The following CENPP variants were observed in gnomAD, a reference collection of about 807,000 sequenced individuals.
CENPP encodes the protein centromere protein P.
CENPP carries 24 observed loss-of-function variants against 35.6 expected under a neutral mutation model. The ratio of observed to expected loss-of-function variants is 0.67; its 90% CI spans 0.49 to 0.95. CENPP has a LOEUF of 0.95. Among genes scored for constraint, CENPP ranks in the 40% least tolerant of loss-of-function variants. The probability of loss-of-function intolerance (pLI) is 0.00; values close to 1 mark genes in which losing one functional copy is unlikely to be tolerated. For synonymous variants in CENPP, 120 were observed against 125.5 expected (o/e 0.96, Z 0.29); for missense variants, 332 against 345.3 (o/e 0.96, Z 0.31).
At chr9:92,532,723 T>A (rs538272272) in intron 5 of CENPP, among the ~76,000 whole-genome samples, 1 of 152,334 alleles carries the variant, frequency 6.6e-6, no homozygotes, top group East Asian at 1.9e-4. Context: ...AATTTTAATC[T>A]CATCTTTTAT....
At chr9:92,499,920 T>C (rs995978789) in intron 5 of CENPP, among the ~76,000 whole-genome samples, 2 of 152,050 alleles carry the variant, frequency 1.3e-5, no homozygotes, top group African/African-American at 4.8e-5. Context: ...TAGGCAGGAG[T>C]GATGATTCAG....
chr9:92,396,781 C>A (rs1253067863), intron 5 of CENPP, among the ~76,000 whole-genome samples: 1 of 152,078 alleles, frequency 6.6e-6, no homozygotes. Context: ...GTTGCCCAAG[C>A]TGGTCTCAAA....
rs1015435139 is a variant in CENPP, at chr9:92,476,130, T to C, written c.564+96271T>C. On this transcript the variant is annotated intron_variant, in intron 5 of 7. Coordinates refer to ENST00000375587, the MANE Select transcript of CENPP (RefSeq NM_001012267.3). This position sits in a 1 kb window ranked among gnomAD's most constrained non-coding sequence, Gnocchi z 4.1. Reference sequence around the variant, plus strand: ...CAGCAGAGGGCTCCGCAGACCCTAATAGTCCACCAGGCTACAGTCACCTAA... The same window carrying C: ...CAGCAGAGGGCTCCGCAGACCCTAACAGTCCACCAGGCTACAGTCACCTAA... 3.3e-5 allele frequency among the ~76,000 whole-genome samples: 5 copies of C among 152,264 alleles called. No homozygotes were observed. Among genetic ancestry groups the C allele is most frequent in the Non-Finnish European group, 5.9e-5 (4 of 68,000 alleles).
At chr9:92,514,840 CCCTCCTCACCCT>C (rs761689497) in intron 5 of CENPP, 17 of 1,611,390 alleles carry the variant, frequency 1.1e-5, no homozygotes, top group African/African-American at 2.7e-5. Flanking sequence ...ATCCTCCTCA[CCCTCCTCACCCT>C]CCTCCTCCTC....
intron 5 of CENPP, among the ~76,000 whole-genome samples, chr9:92,380,703 T>A (rs1408904286): frequency 6.6e-6 from 1 of 152,210 alleles, no homozygotes; most frequent in Non-Finnish European, 1.5e-5. Context: ...TTATATTCGA[T>A]CATAGGTAGT....
chr9:92,325,607 T>TG, upstream of CENPP: 1 of 194,128 alleles, frequency 5.2e-6, no homozygotes, highest in Non-Finnish European at 1.1e-5. Flanking sequence ...AGGAAGTAGG[T>TG]GAAAAAAATA....
At chr9:92,392,647 C>A (rs986896123) in intron 5 of CENPP, among the ~76,000 whole-genome samples, 1 of 151,856 alleles carries the variant, frequency 6.6e-6, no homozygotes, top group African/African-American at 2.4e-5. Flanking sequence ...AAAAAAAACA[C>A]TTCCCAAGAT....
chr9:92,379,240 TTCA>T (rs773634029), intron 4 of CENPP, among the ~76,000 whole-genome samples: 12 of 152,220 alleles, frequency 7.9e-5, no homozygotes, highest in Non-Finnish European at 1.6e-4. Context: ...CATCAGTGTA[TTCA>T]TCAACCAGGA....
At chr9:92,533,328 A>AAAAAATATATATAT (rs1554683138) in intron 5 of CENPP, among the ~76,000 whole-genome samples, 7 of 38,332 alleles carry the variant, frequency 1.8e-4, no homozygotes, top group East Asian at 1.5e-3. Flanking sequence ...AAAAAAAAAA[A>AAAAAATATATATAT]ATATATATAT....
intron 5 of CENPP, among the ~76,000 whole-genome samples, chr9:92,572,869 C>T (rs1431869576): frequency 1.3e-5 from 2 of 152,120 alleles, no homozygotes; most frequent in African/African-American, 4.8e-5. Context: ...CCCTTTCTTC[C>T]ACTTGATCAA....
At chr9:92,477,373 G>T (rs1267929959) in intron 5 of CENPP, among the ~76,000 whole-genome samples, 1 of 152,124 alleles carries the variant, frequency 6.6e-6, no homozygotes, top group East Asian at 1.9e-4. Flanking sequence ...AAGGTTTAGT[G>T]CCCAGCTTTG....
chr9:92,368,507 A>G (rs1306759593), intron 4 of CENPP, among the ~76,000 whole-genome samples: 2 of 152,216 alleles, frequency 1.3e-5, no homozygotes, highest in South Asian at 2.1e-4. Context: ...AATCACCTTC[A>G]TAAAAATATA....
At chr9:92,385,580 G>C (rs559592252) in intron 5 of CENPP, 27 of 1,552,340 alleles carry the variant, frequency 1.7e-5, no homozygotes, top group Non-Finnish European at 2.4e-5. Flanking sequence ...CAGACTATTA[G>C]TGTAGGTGTA....
chr9:92,588,402 C>G (rs1850591171), intron 5 of CENPP, among the ~76,000 whole-genome samples: 1 of 151,360 alleles, frequency 6.6e-6, no homozygotes. Flanking sequence ...CGCCCGGCAC[C>G]ACACCCGGCT....
intron 5 of CENPP, among the ~76,000 whole-genome samples, chr9:92,492,287 A>G (rs72754421): frequency 0.031 from 4,734 of 152,290 alleles, 114 homozygotes; most frequent in South Asian, 0.083. Flanking sequence ...ATCTTAAAAC[A>G]AACATTGTCA....
chr9:92,565,302 A>G (rs1464368246), intron 5 of CENPP, among the ~76,000 whole-genome samples: 24 of 147,372 alleles, frequency 1.6e-4, no homozygotes, highest in South Asian at 2.1e-4. Context: ...CTAAAAAAAA[A>G]AAAAAAAAAA....
intron 5 of CENPP, among the ~76,000 whole-genome samples, chr9:92,592,266 C>T (rs1049617911): frequency 5.3e-5 from 8 of 152,056 alleles, no homozygotes; most frequent in African/African-American, 1.2e-4. Context: ...CATGAGCAGC[C>T]CCAGAGCATG....
intron 5 of CENPP, among the ~76,000 whole-genome samples, chr9:92,555,214 ATTTTTTTTTTTTTTTTT>A (rs34701393): frequency 1.3e-4 from 8 of 63,440 alleles, no homozygotes; most frequent in East Asian, 6.1e-4. Context: ...TTTTTTGGAA[ATTTTTTTTTTTTTTTTT>A]TTTTTTTTTT....
rs939902372 is a variant in CENPP, at chr9:92,337,450, A to G, written c.290-91A>G. 8.0e-6 allele frequency: 6 copies of G among 746,974 alleles called. No homozygotes were observed. In the Admixed American group the frequency reaches 8.2e-5, roughly 10 times the overall value. 46.3% of individuals were successfully genotyped at this position (746,974 alleles called of 1,614,324 possible). On this transcript the variant is annotated intron_variant, in intron 2 of 7. Coordinates refer to ENST00000375587, the MANE Select transcript of CENPP (RefSeq NM_001012267.3). ...TGCACACTTTCACACATATACCCAC[A>G]TGTATTGTAGATATTCACACAAAAT... is the stretch of plus-strand genomic sequence containing the variant.
Sources: gnomAD v4.1 joint callset for allele counts (sites outside exome capture counted in the v4.1 genomes callset) on GRCh38, gnomAD v4.1.1 for gene constraint, Gnocchi (gnomAD v3.1) non-coding constraint, MANE v1.5 for transcripts, NCBI Gene and HGNC (gene_info 2026-07-23, HGNC 2026-07-21) for gene names.